DNAAF9: variants seen among roughly 807,000 people sequenced by gnomAD.
DNAAF9 encodes dynein axonemal assembly factor 9.
Under a neutral mutation model 167.0 loss-of-function variants are expected in DNAAF9, and 90 were observed. The ratio of observed to expected loss-of-function variants is 0.54; its 90% CI spans 0.45 to 0.64. The LOEUF (loss-of-function observed/expected upper bound fraction) is 0.64. DNAAF9 is among the 30% of genes least tolerant of loss of function. The probability of loss-of-function intolerance (pLI) is 0.00; values close to 1 mark genes in which losing one functional copy is unlikely to be tolerated. For missense variants in DNAAF9, 1,315 were observed against 1,442.2 expected (o/e 0.91, Z 1.43); for synonymous variants, 491 against 508.8 (o/e 0.96, Z 0.47).
chr20:3,391,334 G>T (rs1416839567), intron 1 of DNAAF9, among the ~76,000 whole-genome samples: 11 of 151,816 alleles, frequency 7.2e-5, no homozygotes, highest in Admixed American at 6.6e-4. Flanking sequence ...AGAAAACCTA[G>T]TAAGTATTAA....
rs983320799 is a variant in DNAAF9 at position 3,275,387 on chromosome 20, C to T, written c.2650+3525G>A. Among the ~76,000 whole-genome samples the T allele has an allele frequency of 3.3e-5, 5 of 152,272 alleles. No individual in the cohort carries two copies. In the South Asian group the frequency reaches 6.2e-4, roughly 19 times the overall value. On this transcript the variant is annotated intron_variant, in intron 29 of 36. Coordinates refer to ENST00000252032, the MANE Select transcript of DNAAF9 (RefSeq NM_001009984.3). ...ACTAGTGCAAATGTGGCCATATGAA[C>T]GGTGGTGCACCAGGGTCACAAGCAC...
intron 16 of DNAAF9, among the ~76,000 whole-genome samples, chr20:3,321,230 C>T (rs975155427): frequency 6.6e-5 from 10 of 152,182 alleles, no homozygotes; most frequent in African/African-American, 2.4e-4. Flanking sequence ...GACAGGGATA[C>T]ATTCTGAGAA....
At chr20:3,306,052 C>T (rs2069286542) in intron 20 of DNAAF9, among the ~76,000 whole-genome samples, 1 of 152,206 alleles carries the variant, frequency 6.6e-6, no homozygotes, top group African/African-American at 2.4e-5. Flanking sequence ...ACACAAGCCC[C>T]TCCCTCTACT....
chr20:3,340,444 A>ACCCCCCC, intron 10 of DNAAF9, 60 bp downstream of exon 10: 1 of 138,912 alleles, frequency 7.2e-6, no homozygotes, highest in South Asian at 6.8e-5. Context: ...CCCCCCACCC[A>ACCCCCCC]CCCCACCCCC....
chr20:3,366,939 A>T (rs922791470), intron 6 of DNAAF9, among the ~76,000 whole-genome samples: 8 of 151,884 alleles, frequency 5.3e-5, no homozygotes, highest in Non-Finnish European at 1.0e-4. Flanking sequence ...ATTAAAAAAA[A>T]AAAAAATTAA....
At position 3,315,417 on chromosome 20, in the gene DNAAF9, C is replaced by A. The variant is rs936966855; in HGVS notation, c.1591-297G>T. On this transcript the variant is annotated intron_variant, in intron 19 of 36. Transcript: ENST00000252032. This position sits in a 1 kb window ranked among gnomAD's most constrained non-coding sequence, Gnocchi z 4.1. ...ATTTCCTTTGTGAAAACAGAGGCAG[C>A]TTCTCCTTGGCCTAAAGCCTTGATG... Among the ~76,000 whole-genome samples, 1 of 152,228 alleles carries A rather than the reference C, an allele frequency of 6.6e-6. No homozygotes were observed. Among genetic ancestry groups the A allele is most frequent in the African/African-American group, 2.4e-5 (1 of 41,466 alleles).
chr20:3,270,814 T>TC (rs2068580481), intron 29 of DNAAF9, among the ~76,000 whole-genome samples: 1 of 26,858 alleles, frequency 3.7e-5, no homozygotes, highest in African/African-American at 1.4e-4. Flanking sequence ...TCCTCTATCT[T>TC]TTTTTTTTTT....
chr20:3,384,837 A>G (rs775180190), intron 1 of DNAAF9, among the ~76,000 whole-genome samples: 35 of 152,226 alleles, frequency 2.3e-4, no homozygotes, highest in Non-Finnish European at 3.4e-4. Flanking sequence ...TCATATTAAC[A>G]GGCTAAAGAA....
At chr20:3,277,420 A>G (rs144204554) in intron 29 of DNAAF9, among the ~76,000 whole-genome samples, 2 of 152,182 alleles carry the variant, frequency 1.3e-5, no homozygotes, top group Non-Finnish European at 2.9e-5. Context: ...CTATATCTGG[A>G]TACTGGCTGA....
chr20:3,407,629 A>T lies in DNAAF9; in HGVS notation c.-72T>A. The T allele has an allele frequency of 8.6e-7, 1 of 1,169,268 alleles. No individual in the cohort carries two copies. The highest frequency in any genetic ancestry group is 1.1e-6 in the Non-Finnish European group (1 of 948,336). The allele number at this position is 1,169,268 out of a possible 1,614,324, so 72.4% of individuals were successfully genotyped here. A position where few individuals can be genotyped will look rare whatever the true frequency, so the allele number is the denominator to read the frequency against. ...TCTCAGTTGCCCGCAGGGCGGCTCC[A>T]CGCTAGCTGCGGCCGGGCGGGGCGG... On this transcript the variant is annotated 5_prime_UTR_variant, in exon 1 of 37. Transcript: ENST00000252032.
At chr20:3,348,024 G>A (rs1328238504) in intron 8 of DNAAF9, among the ~76,000 whole-genome samples, 2 of 152,202 alleles carry the variant, frequency 1.3e-5, no homozygotes, top group Non-Finnish European at 2.9e-5. Flanking sequence ...GAGGGCTGCA[G>A]TGAGTGCCCA....
At chr20:3,399,254 T>C (rs1207603751) in intron 1 of DNAAF9, among the ~76,000 whole-genome samples, 1 of 152,172 alleles carries the variant, frequency 6.6e-6, no homozygotes, top group Non-Finnish European at 1.5e-5. Flanking sequence ...AGTCTCACTC[T>C]GTCACCCAGG....
chr20:3,399,050 G>C (rs2083947887), intron 1 of DNAAF9, among the ~76,000 whole-genome samples: 1 of 152,146 alleles, frequency 6.6e-6, no homozygotes, highest in Non-Finnish European at 1.5e-5. Flanking sequence ...TGAAGAATGT[G>C]CTGGCATCAC....
intron 10 of DNAAF9, among the ~76,000 whole-genome samples, chr20:3,337,690 AATT>A (rs2069990045): frequency 6.6e-6 from 1 of 151,116 alleles, no homozygotes; most frequent in Admixed American, 6.6e-5. Flanking sequence ...TTGTGATATA[AATT>A]AATAACTAAT....
chr20:3,262,100 G>A (rs1262943674), intron 31 of DNAAF9, among the ~76,000 whole-genome samples: 1 of 152,010 alleles, frequency 6.6e-6, no homozygotes, highest in Admixed American at 6.6e-5. Flanking sequence ...AGATGAGTAG[G>A]AGACTGATGA....
Position 3,326,285 on chromosome 20 carries a change from C to A in DNAAF9, c.1101-1G>T, listed in dbSNP as rs187463757. 6.2e-7 allele frequency: 1 copy of A among 1,605,154 alleles called. No individual in the cohort carries two copies. The highest frequency in any genetic ancestry group is 2.2e-5 in the East Asian group (1 of 44,806). ...AGCATATATCTGGGACAATAGCCTACTTTAAAAACAAAAAATAATGGTTAA... is the reference window on the plus strand; with the variant it reads ...AGCATATATCTGGGACAATAGCCTAATTTAAAAACAAAAAATAATGGTTAA... On this transcript the variant is annotated splice_acceptor_variant, in intron 12 of 36. Transcript: ENST00000252032. LOFTEE classifies it high-confidence loss of function.
intron 6 of DNAAF9, chr20:3,361,848 G>T (rs1259588489): frequency 6.9e-7 from 1 of 1,447,774 alleles, no homozygotes; most frequent in East Asian, 2.3e-5. Flanking sequence ...ATGTTGGGGG[G>T]AAGGGGAAGG....
At chr20:3,391,578 C>CTT (rs34396355) in intron 1 of DNAAF9, among the ~76,000 whole-genome samples, 14,641 of 120,874 alleles carry the variant, frequency 0.12, 1,321 homozygotes, top group African/African-American at 0.18. Flanking sequence ...TTTTTTCCTT[C>CTT]TTTTTTTTTT....
At chr20:3,273,359 T>C (rs2068626157) in intron 29 of DNAAF9, among the ~76,000 whole-genome samples, 1 of 152,134 alleles carries the variant, frequency 6.6e-6, no homozygotes, top group Admixed American at 6.5e-5. Context: ...CAGGCTGTTT[T>C]GGGGTTGCTG....
Sources: gnomAD v4.1 joint callset for allele counts (sites outside exome capture counted in the v4.1 genomes callset) on GRCh38, gnomAD v4.1.1 for gene constraint, Gnocchi (gnomAD v3.1) non-coding constraint, MANE v1.5 for transcripts, NCBI Gene and HGNC (gene_info 2026-07-23, HGNC 2026-07-21) for gene names.